Variants in TFDP1 observed in about 807,000 individuals in gnomAD.
TFDP1 encodes the protein transcription factor Dp-1.
Under a neutral mutation model 48.0 loss-of-function variants are expected in TFDP1, and 6 were observed. That is an observed-to-expected ratio of 0.13 (90% CI 0.07 to 0.25). The LOEUF (loss-of-function observed/expected upper bound fraction) is 0.25. TFDP1 is among the 10% of genes least tolerant of loss of function. TFDP1 has a pLI of 1.00. For missense variants in TFDP1, 335 were observed against 543.0 expected (o/e 0.62, Z 3.81); for synonymous variants, 201 against 211.6 (o/e 0.95, Z 0.44).
At chr13:113,596,277 A>G (rs1404307326) in intron 2 of TFDP1, among the ~76,000 whole-genome samples, 1 of 152,168 alleles carries the variant, frequency 6.6e-6, no homozygotes, top group Non-Finnish European at 1.5e-5. Flanking sequence ...TCAGCCTCTG[A>G]CTTTGTTTTC....
chr13:113,624,853 TCTCACGTGTC>T (rs1334124896), intron 4 of TFDP1, among the ~76,000 whole-genome samples: 1 of 140,228 alleles, frequency 7.1e-6, no homozygotes, highest in Non-Finnish European at 1.5e-5. Flanking sequence ...CTCAGGTGTC[TCTCACGTGTC>T]CTCAGGTGTT....
chr13:113,606,796 A>G (rs1029887949), intron 2 of TFDP1, among the ~76,000 whole-genome samples: 6 of 152,310 alleles, frequency 3.9e-5, no homozygotes, highest in African/African-American at 1.2e-4. Flanking sequence ...CACACATTGT[A>G]TTATGAAATA....
At position 113,598,924 on chromosome 13, in the gene TFDP1, A is replaced by T. The variant is rs899682520; in HGVS notation, c.13-12072A>T. Among the ~76,000 whole-genome samples, 1 of 152,140 alleles carries T rather than the reference A, an allele frequency of 6.6e-6. No individual in the cohort carries two copies. The highest frequency in any genetic ancestry group is 1.5e-5 in the Non-Finnish European group (1 of 68,036). The stretch of plus-strand genomic sequence containing the variant: ...TTAGTTTAGAAAATGAAATCGCCTT[A>T]TTGCTTTGTTCGGTTATGAAAATGG... On this transcript the variant is annotated intron_variant, in intron 2 of 11. Coordinates refer to ENST00000375370, the MANE Select transcript of TFDP1 (RefSeq NM_007111.5). This position sits in a 1 kb window ranked among gnomAD's most constrained non-coding sequence, Gnocchi z 4.2.
chr13:113,637,766 CTTGTG>C, intron 10 of TFDP1, 47 bp from the exon 11 acceptor site: 1 of 1,614,160 alleles, frequency 6.2e-7, no homozygotes, highest in Non-Finnish European at 8.5e-7. Flanking sequence ...GCCTGTGCGT[CTTGTG>C]TTGTTTCTGT....
At chr13:113,631,568 C>A in intron 4 of TFDP1, 55 bp from the exon 5 acceptor site, 1 of 1,570,108 alleles carries the variant, frequency 6.4e-7, no homozygotes, top group Non-Finnish European at 8.6e-7. Context: ...GTGGGCATGG[C>A]ACCCTCGCCG....
intron 2 of TFDP1, among the ~76,000 whole-genome samples, chr13:113,590,914 T>G (rs1293920122): frequency 2.2e-5 from 3 of 136,120 alleles, no homozygotes; most frequent in Non-Finnish European, 3.1e-5. Flanking sequence ...GGAGGCTGAG[T>G]TAGGAGAATG....
chr13:113,637,716 A>G, intron 10 of TFDP1, 102 bp from the exon 11 acceptor site: 1 of 1,597,504 alleles, frequency 6.3e-7, no homozygotes, highest in Non-Finnish European at 8.5e-7. Flanking sequence ...AAGCTTCTAC[A>G]GCCGTCTGTC....
At position 113,633,015 on chromosome 13, in the gene TFDP1, C is replaced by T. The variant is rs1006700685; in HGVS notation, c.309-105C>T. 23 of 1,447,506 alleles carry T rather than the reference C, an allele frequency of 1.6e-5. No individual in the cohort carries two copies. The African/African-American group carries it at 2.3e-4, about 14-fold the overall frequency. The allele number at this position is 1,447,506 out of a possible 1,614,324, so 89.7% of individuals were successfully genotyped here. On this transcript the variant is annotated intron_variant, in intron 5 of 11. Transcript: ENST00000375370. This position sits in a 1 kb window ranked among gnomAD's most constrained non-coding sequence, Gnocchi z 4.5. ...TCTGCTGCGCCCGTGGGACGTGGCC[C>T]CTTTTTGTGCAGCTCATTAGAGCTC...
At chr13:113,602,024 A>G (rs1217159055) in intron 2 of TFDP1, among the ~76,000 whole-genome samples, 2 of 151,938 alleles carry the variant, frequency 1.3e-5, no homozygotes, top group Non-Finnish European at 2.9e-5. Context: ...GAGCGGACAG[A>G]GTTACCTGAA....
At chr13:113,625,513 A>C (rs2049131034) in intron 4 of TFDP1, among the ~76,000 whole-genome samples, 1 of 101,926 alleles carries the variant, frequency 9.8e-6, no homozygotes, top group African/African-American at 5.3e-5. Context: ...GGTGTCTCTC[A>C]CGTGTCCTCA....
chr13:113,600,291 C>T (rs1441591673), intron 2 of TFDP1, among the ~76,000 whole-genome samples: 4 of 150,686 alleles, frequency 2.7e-5, no homozygotes, highest in Non-Finnish European at 5.9e-5. Flanking sequence ...ATAGAGAACT[C>T]AGGACCGTGA....
At chr13:113,639,184 G>A (rs9549430) in intron 11 of TFDP1, among the ~76,000 whole-genome samples, 4 of 152,230 alleles carry the variant, frequency 2.6e-5, no homozygotes, top group Non-Finnish European at 5.9e-5. Context: ...AGCTATGTGT[G>A]AACGTGTGGC....
rs376679886 is a variant in TFDP1, at chr13:113,620,522, CTG to C, written c.80-2657_80-2656del. Among the ~76,000 whole-genome samples the C allele has an allele frequency of 8.3e-3, 1,269 of 152,330 alleles. 16 individuals carry two copies. The highest frequency in any genetic ancestry group is 0.029 in the African/African-American group (1,226 of 41,570). Reference sequence around the variant, plus strand: ...TGAATCAACTACATATTCTTGAAAACTGAGTGTTTACTCATCTGTATGTGAAT... The same window carrying C: ...TGAATCAACTACATATTCTTGAAAACAGTGTTTACTCATCTGTATGTGAAT... On this transcript the variant is annotated intron_variant, in intron 3 of 11. Transcript: ENST00000375370.
At position 113,615,845 on chromosome 13, in the gene TFDP1, G is replaced by A. The variant is rs377583101; in HGVS notation, c.79+4783G>A. Among the ~76,000 whole-genome samples the A allele has an allele frequency of 5.9e-5, 9 of 152,232 alleles. No homozygotes were observed. In the East Asian group the frequency reaches 1.4e-3, roughly 23 times the overall value. ...GAGGATCGCTTGAGCCTGGGAGGTC[G>A]AGGCTGCAGTGAGTTGTGATTGTGC... On this transcript the variant is annotated intron_variant, in intron 3 of 11. Coordinates refer to ENST00000375370, the MANE Select transcript of TFDP1 (RefSeq NM_007111.5).
At chr13:113,618,152 C>T (rs1400669104) in intron 3 of TFDP1, among the ~76,000 whole-genome samples, 2 of 152,240 alleles carry the variant, frequency 1.3e-5, no homozygotes, top group African/African-American at 4.8e-5. Context: ...CCTCCTCCCT[C>T]CCATGCATAG....
chr13:113,595,836 A>T (rs2048273180), intron 2 of TFDP1, among the ~76,000 whole-genome samples: 1 of 152,226 alleles, frequency 6.6e-6, no homozygotes, highest in Non-Finnish European at 1.5e-5. Flanking sequence ...TAATCCCAGC[A>T]CTTTGGGAGG....
chr13:113,584,935 G>C (rs1164390265), intron 1 of TFDP1, 47 bp downstream of exon 1: 3 of 146,456 alleles, frequency 2.0e-5, no homozygotes, highest in East Asian at 4.0e-4. Context: ...CGGGAGCCGG[G>C]GGTGCGGGCG....
chr13:113,605,277 A>G (rs139586560), intron 2 of TFDP1, among the ~76,000 whole-genome samples: 1 of 152,300 alleles, frequency 6.6e-6, no homozygotes, highest in African/African-American at 2.4e-5. Flanking sequence ...TGATGGTGCC[A>G]GTGATCTTTC....
rs1310217997 is a variant in TFDP1 at position 113,585,748 on chromosome 13, CTTACT to C, written c.-64-23_-64-19del. 89 of 1,210,176 alleles carry C rather than the reference CTTACT, an allele frequency of 7.4e-5. No homozygotes were observed. In the Middle Eastern group the frequency reaches 1.2e-3, roughly 16 times the overall value. 75.0% of individuals were successfully genotyped at this position (1,210,176 alleles called of 1,614,324 possible). A position where few individuals can be genotyped will look rare whatever the true frequency, so the allele number is the denominator to read the frequency against. On this transcript the variant is annotated intron_variant, in intron 1 of 11. Coordinates refer to ENST00000375370, the MANE Select transcript of TFDP1 (RefSeq NM_007111.5). ...CATTCTTACTTATTTCTTGTTTTTCCTTACTTTTTTTTTTTTTTTTACCAGAAAAA... is the reference window on the plus strand; with the variant it reads ...CATTCTTACTTATTTCTTGTTTTTCCTTTTTTTTTTTTTTTACCAGAAAAA...
Sources: allele counts gnomAD v4.1 joint callset (sites outside exome capture counted in the v4.1 genomes callset), GRCh38; gene constraint gnomAD v4.1.1; non-coding constraint Gnocchi (gnomAD v3.1); transcripts MANE v1.5; gene names NCBI Gene and HGNC (gene_info 2026-07-23, HGNC 2026-07-21).